UVRAG: variants seen among roughly 807,000 people sequenced by gnomAD.
UVRAG encodes the protein UV radiation resistance associated.
A neutral mutation model predicts 78.0 loss-of-function variants in UVRAG; 19 were observed. The ratio of observed to expected loss-of-function variants is 0.24; its 90% CI spans 0.17 to 0.36. UVRAG has a LOEUF of 0.36. UVRAG is among the 10% of genes least tolerant of loss of function. The probability of loss-of-function intolerance (pLI) is 1.00; values close to 1 mark genes in which losing one functional copy is unlikely to be tolerated. For missense variants in UVRAG, 740 were observed against 853.8 expected, an observed-to-expected ratio of 0.87 and a Z score of 1.66; for synonymous variants, 323 against 324.6, an observed-to-expected ratio of 1.00 and a Z score of 0.05.
chr11:76,027,396 G>A (rs147671604), intron 12 of UVRAG, among the ~76,000 whole-genome samples: 281 of 152,124 alleles, frequency 1.8e-3, no homozygotes, highest in African/African-American at 6.5e-3. Context: ...TAGTTCATTC[G>A]ACATTTGTTT....
intron 1 of UVRAG, among the ~76,000 whole-genome samples, chr11:75,841,031 A>G (rs887780985): frequency 1.3e-5 from 2 of 152,192 alleles, no homozygotes; most frequent in Non-Finnish European, 2.9e-5. Context: ...CCACAGGTTT[A>G]TATTTGTTAC....
chr11:75,935,096 G>T (rs1037041819), intron 6 of UVRAG: 3 of 151,986 alleles, frequency 2.0e-5, no homozygotes, highest in African/African-American at 7.3e-5. Flanking sequence ...ATGATACTGG[G>T]CATAATGATG....
At chr11:75,852,046 AT>A (rs746593632) in intron 2 of UVRAG, 46 bp downstream of exon 2, 206 of 1,375,918 alleles carry the variant, frequency 1.5e-4, no homozygotes, top group South Asian at 2.8e-4. Context: ...TTATATTTTT[AT>A]TTTTTTTGTA....
intron 6 of UVRAG, among the ~76,000 whole-genome samples, chr11:75,934,456 C>G (rs767171684): frequency 6.6e-6 from 1 of 151,824 alleles, no homozygotes; most frequent in Non-Finnish European, 1.5e-5. Context: ...AACAAGATGA[C>G]TATAGTAAAA....
At chr11:76,046,524 A>G (rs1463494049) in intron 12 of UVRAG, among the ~76,000 whole-genome samples, 1 of 152,248 alleles carries the variant, frequency 6.6e-6, no homozygotes, top group Non-Finnish European at 1.5e-5. Context: ...CAAGTTTAAA[A>G]GAATTAAAAT....
At chr11:75,967,047 A>G (rs929747515) in intron 7 of UVRAG, among the ~76,000 whole-genome samples, 4 of 152,180 alleles carry the variant, frequency 2.6e-5, no homozygotes, top group Non-Finnish European at 5.9e-5. Context: ...CCCTCAGGGA[A>G]AAGCCACAGA....
chr11:76,027,928 G>A (rs977782417), intron 12 of UVRAG, among the ~76,000 whole-genome samples: 17 of 151,984 alleles, frequency 1.1e-4, no homozygotes, highest in African/African-American at 4.8e-5. Context: ...AGGTCTGAAG[G>A]CTTGTCTGTT....
intron 4 of UVRAG, among the ~76,000 whole-genome samples, chr11:75,880,364 A>C (rs1355928451): frequency 6.6e-6 from 1 of 152,198 alleles, no homozygotes; most frequent in Non-Finnish European, 1.5e-5. Flanking sequence ...GGATGTCCTC[A>C]CCTAGAATCT....
At chr11:75,954,819 G>A (rs549349970) in intron 6 of UVRAG, among the ~76,000 whole-genome samples, 54 of 152,320 alleles carry the variant, frequency 3.5e-4, no homozygotes, top group Middle Eastern at 3.4e-3. Context: ...TTTTTGTGGT[G>A]CCATACACAT....
At chr11:75,846,365 A>G (rs7107742) in intron 1 of UVRAG, among the ~76,000 whole-genome samples, 30,422 of 152,146 alleles carry the variant, frequency 0.2, 4,794 homozygotes, top group African/African-American at 0.44. Context: ...ACCATTGCAA[A>G]GCCTAAGAAA....
intron 7 of UVRAG, among the ~76,000 whole-genome samples, chr11:75,968,719 TC>T (rs1164283671): frequency 4.3e-4 from 66 of 152,346 alleles, no homozygotes; most frequent in Admixed American, 4.3e-3. Context: ...TATTTGCTTT[TC>T]TTTTTCTGTA....
At chr11:75,955,788 T>C (rs1948785071) in intron 6 of UVRAG, among the ~76,000 whole-genome samples, 1 of 152,166 alleles carries the variant, frequency 6.6e-6, no homozygotes, top group African/African-American at 2.4e-5. Flanking sequence ...CTCAGAAGGC[T>C]GAGGCAGGAA....
rs547522854 is a variant in UVRAG at position 75,828,076 on chromosome 11, T to TG, written c.117+12556dup. 3.6e-4 allele frequency among the ~76,000 whole-genome samples: 55 copies of TG among 152,252 alleles called. No individual in the cohort carries two copies. In the East Asian group the frequency reaches 0.01, roughly 28 times the overall value. On this transcript the variant is annotated intron_variant, in intron 1 of 14. Transcript: ENST00000356136. ...TGAAGCAAGGTTGGCAGGTAGGCTG[T>TG]GGGGTGCTCATTACAGGTCTAGGAT... is the stretch of plus-strand genomic sequence containing the variant.
At chr11:75,987,962 T>G (rs1280568536) in intron 8 of UVRAG, among the ~76,000 whole-genome samples, 1 of 152,146 alleles carries the variant, frequency 6.6e-6, no homozygotes, top group Non-Finnish European at 1.5e-5. Flanking sequence ...GGTCTCAAAC[T>G]CCTGACCTCA....
chr11:75,996,728 G>A (rs1350036558), intron 8 of UVRAG, among the ~76,000 whole-genome samples: 1 of 152,162 alleles, frequency 6.6e-6, no homozygotes, highest in Non-Finnish European at 1.5e-5. Context: ...TGAGGAACAT[G>A]AAGTTCAGAG....
intron 14 of UVRAG, among the ~76,000 whole-genome samples, chr11:76,135,601 A>G (rs193004125): frequency 6.4e-4 from 97 of 152,322 alleles, no homozygotes; most frequent in Non-Finnish European, 8.5e-4. Flanking sequence ...TGCAATTATG[A>G]TATCTTTGGG....
At chr11:75,937,311 C>T (rs1401048524) in intron 6 of UVRAG, among the ~76,000 whole-genome samples, 1 of 152,204 alleles carries the variant, frequency 6.6e-6, no homozygotes, top group Non-Finnish European at 1.5e-5. Flanking sequence ...GCACTCCAGC[C>T]TCAGCGACAG....
At chr11:76,065,026 G>C (rs964526853) in intron 12 of UVRAG, among the ~76,000 whole-genome samples, 2 of 152,144 alleles carry the variant, frequency 1.3e-5, no homozygotes, top group Non-Finnish European at 2.9e-5. Flanking sequence ...TGTAAAGAAG[G>C]GGAATAGTGA....
chr11:76,115,329 G>A (rs952054191), intron 13 of UVRAG, among the ~76,000 whole-genome samples: 1 of 152,218 alleles, frequency 6.6e-6, no homozygotes, highest in Non-Finnish European at 1.5e-5. Context: ...GGACAAAGAG[G>A]AACGTTAGAG....
Sources: gnomAD v4.1 joint callset for allele counts (sites outside exome capture counted in the v4.1 genomes callset) on GRCh38, gnomAD v4.1.1 for gene constraint, MANE v1.5 for transcripts, NCBI Gene and HGNC (gene_info 2026-07-23, HGNC 2026-07-21) for gene names.